The following CDC25C variants were observed in gnomAD, a reference collection of about 807,000 sequenced individuals.
CDC25C encodes the protein cell division cycle 25C.
CDC25C carries 48 observed loss-of-function variants against 52.5 expected under a neutral mutation model. The observed-to-expected ratio is 0.91, with a 90% CI of 0.72 to 1.16. CDC25C has a LOEUF of 1.16. Ranked by LOEUF, CDC25C falls within the 50% of genes most tolerant of loss-of-function variation. CDC25C has a pLI of 0.00. For missense variants in CDC25C, 510 were observed against 566.1 expected (o/e 0.90, Z 1.01); for synonymous variants, 187 against 206.5 (o/e 0.91, Z 0.81).
chr5:138,307,713 C>T (rs1758129594), intron 7 of CDC25C, among the ~76,000 whole-genome samples: 1 of 152,002 alleles, frequency 6.6e-6, no homozygotes, highest in South Asian at 2.1e-4. Flanking sequence ...AACACTTGAG[C>T]TCAAGAGTTT....
In CDC25C at chr5:138,290,705, G is replaced by A; in HGVS notation, c.798C>T (p.Asp266=). Residue 266 remains aspartate (D), a synonymous_variant, in exon 9 of 14, where the codon GAC becomes GAT. Transcript: ENST00000323760. ...CCTCCAGCATCTGAGTGATAGTAAT[G>A]TCACACAGAGAGACTGTCTTCTTTA... ...LCLKKTVSLC[D]ITITQMLEED... is the part of the protein sequence containing the mutation. 1 of 1,609,916 alleles carries A rather than the reference G, an allele frequency of 6.2e-7. No homozygotes were observed. Among genetic ancestry groups the A allele is most frequent in the Non-Finnish European group, 8.5e-7 (1 of 1,176,246 alleles).
In CDC25C at chr5:138,323,861, G is replaced by T. The variant is rs186935305; in HGVS notation, c.459+1954C>A. Among the ~76,000 whole-genome samples, 408 of 151,816 alleles carry T rather than the reference G, an allele frequency of 2.7e-3. 2 individuals carry two copies. The highest frequency in any genetic ancestry group is 9.6e-3 in the African/African-American group (397 of 41,356). On this transcript the variant is annotated intron_variant, in intron 6 of 13. Coordinates refer to ENST00000323760, the MANE Select transcript of CDC25C (RefSeq NM_001790.5). ...TAGTCCCAGCTGCTCAGGAGGCTGAGGCAAGAGAATCTCTTGAACCCGGGA... is the reference window on the plus strand; with the variant it reads ...TAGTCCCAGCTGCTCAGGAGGCTGATGCAAGAGAATCTCTTGAACCCGGGA...
chr5:138,326,329 T>G (rs1341364680), intron 4 of CDC25C, among the ~76,000 whole-genome samples: 1 of 152,148 alleles, frequency 6.6e-6, no homozygotes, highest in Non-Finnish European at 1.5e-5. Flanking sequence ...TTACTAATTT[T>G]CCAGCACAGT....
chr5:138,302,733 T>TA (rs556157843), intron 7 of CDC25C, among the ~76,000 whole-genome samples: 158 of 143,052 alleles, frequency 1.1e-3, no homozygotes, highest in Non-Finnish European at 1.9e-3. Context: ...ATTAACAGAT[T>TA]AAAAAAAAAA....
chr5:138,332,690 AC>A (rs1760485588), upstream of CDC25C, among the ~76,000 whole-genome samples: 1 of 151,690 alleles, frequency 6.6e-6, no homozygotes, highest in South Asian at 2.1e-4. Context: ...ACATGATGAA[AC>A]CCCGTCTCTA....
At chr5:138,323,208 G>A (rs1329403564) in intron 6 of CDC25C, among the ~76,000 whole-genome samples, 1 of 152,156 alleles carries the variant, frequency 6.6e-6, no homozygotes, top group Non-Finnish European at 1.5e-5. Context: ...TGGGATTACA[G>A]GCATGAGCCA....
intron 7 of CDC25C, among the ~76,000 whole-genome samples, chr5:138,316,600 A>G (rs1472363892): frequency 6.6e-6 from 1 of 152,296 alleles, no homozygotes; most frequent in East Asian, 1.9e-4. Context: ...CTTTTCTCAC[A>G]GTCCATGAAC....
At chr5:138,328,405 CAG>C (rs1760067113) in intron 4 of CDC25C, 77 bp downstream of exon 4, 1 of 1,324,880 alleles carries the variant, frequency 7.5e-7, no homozygotes, top group Non-Finnish European at 1.1e-6. Context: ...TTGTACTCTG[CAG>C]AGTCTGCACA....
Position 138,285,587 on chromosome 5 carries a change from C to T in CDC25C, c.*105G>A. ...TTGGTAGCCTGTTGGTTTGCAGAGA[C>T]ATCTTTTAATAATCTTGGGTTTGGC... On this transcript the variant is annotated 3_prime_UTR_variant, in exon 14 of 14. Coordinates refer to ENST00000323760, the MANE Select transcript of CDC25C (RefSeq NM_001790.5). 1.3e-5 allele frequency: 14 copies of T among 1,045,764 alleles called. No individual in the cohort carries two copies. Among genetic ancestry groups the T allele is most frequent in the Non-Finnish European group, 1.9e-5 (13 of 700,848 alleles). The allele number at this position is 1,045,764 out of a possible 1,614,324, so 64.8% of individuals were successfully genotyped here.
chr5:138,302,001 G>C (rs538005642), intron 7 of CDC25C, among the ~76,000 whole-genome samples: 1 of 149,012 alleles, frequency 6.7e-6, no homozygotes, highest in African/African-American at 2.5e-5. Context: ...CACTGTGCCC[G>C]GCCTTTTTAT....
chr5:138,286,392 C>T lies in CDC25C; in HGVS notation c.1160+105G>A, dbSNP rs532510513. On this transcript the variant is annotated intron_variant, in intron 12 of 13. Coordinates refer to ENST00000323760, the MANE Select transcript of CDC25C (RefSeq NM_001790.5). ...AAACGTCTTCCTTCAACCTCCCTAA[C>T]ATTCTTCAAACTGTAGAATCCAGTC... The T allele has an allele frequency of 6.4e-6, 8 of 1,258,298 alleles. No individual in the cohort carries two copies. In the East Asian group the frequency reaches 1.9e-4, roughly 29 times the overall value. The allele number at this position is 1,258,298 out of a possible 1,614,324, so 77.9% of individuals were successfully genotyped here.
chr5:138,305,529 G>A (rs1181102669), intron 7 of CDC25C, among the ~76,000 whole-genome samples: 1 of 152,136 alleles, frequency 6.6e-6, no homozygotes, highest in South Asian at 2.1e-4. Flanking sequence ...AGCCTCTGGA[G>A]TAGCTAGGAC....
intron 10 of CDC25C, among the ~76,000 whole-genome samples, 190 bp downstream of exon 10, chr5:138,289,307 ATTTG>A (rs1014976847): frequency 6.6e-6 from 1 of 152,162 alleles, no homozygotes; most frequent in South Asian, 2.1e-4. Context: ...ACTATGTATC[ATTTG>A]TTTAACTAAA....
At chr5:138,304,356 T>G (rs1355621044) in intron 7 of CDC25C, among the ~76,000 whole-genome samples, 2 of 136,388 alleles carry the variant, frequency 1.5e-5, no homozygotes, top group Non-Finnish European at 3.2e-5. Flanking sequence ...TTTTTTTTTG[T>G]AGAGACATGT....
intron 6 of CDC25C, 45 bp downstream of exon 6, chr5:138,325,770 A>G: frequency 7.1e-7 from 1 of 1,409,122 alleles, no homozygotes; most frequent in Non-Finnish European, 1.0e-6. Context: ...TCTTCACTCA[A>G]AAAATAAAAC....
At chr5:138,319,463 AAAGAT>A in intron 6 of CDC25C, 89 bp from the exon 7 acceptor site, 2 of 1,036,460 alleles carry the variant, frequency 1.9e-6, no homozygotes, top group Non-Finnish European at 2.7e-6. Flanking sequence ...TCTTAGAAGA[AAAGAT>A]AAGGGAAAAA....
chr5:138,312,006 AT>A (rs1185860982), intron 7 of CDC25C, among the ~76,000 whole-genome samples: 3 of 152,200 alleles, frequency 2.0e-5, no homozygotes, highest in Non-Finnish European at 4.4e-5. Flanking sequence ...ATGAGATACC[AT>A]TTCGTAGTCA....
intron 7 of CDC25C, among the ~76,000 whole-genome samples, chr5:138,302,762 T>C (rs898631790): frequency 6.8e-6 from 1 of 147,560 alleles, no homozygotes; most frequent in African/African-American, 2.5e-5. Context: ...ATTATCTCAA[T>C]AGATACAGAG....
rs147206244 is a variant in CDC25C, at chr5:138,301,338, G to C, written c.616-9222C>G. On this transcript the variant is annotated intron_variant, in intron 7 of 13. Transcript: ENST00000323760. ...TTAACAACTTTATGCCACTATATTT[G>C]ACAACCTAATTAAAATGGACAAATT... Among the ~76,000 whole-genome samples the C allele has an allele frequency of 2.3e-3, 354 of 152,152 alleles. 1 individual carries two copies. Among genetic ancestry groups the C allele is most frequent in the Non-Finnish European group, 4.2e-3 (286 of 68,000 alleles).
Sources: allele counts gnomAD v4.1 joint callset (sites outside exome capture counted in the v4.1 genomes callset), GRCh38; gene constraint gnomAD v4.1.1; transcripts MANE v1.5; gene names NCBI Gene and HGNC (gene_info 2026-07-23, HGNC 2026-07-21).